The following TRPC6 variants were observed in gnomAD, a reference collection of about 807,000 sequenced individuals.
The protein encoded by TRPC6 is transient receptor potential cation channel subfamily C member 6.
TRPC6 carries 55 observed loss-of-function variants against 90.7 expected under a neutral mutation model. That is an observed-to-expected ratio of 0.61 (90% confidence interval 0.49 to 0.76). The LOEUF is 0.76. TRPC6 is among the 30% of genes least tolerant of loss of function. The pLI is 0.00. For missense variants in TRPC6, 989 were observed against 1,122.7 expected (o/e 0.88, Z 1.70); for synonymous variants, 393 against 393.0 (o/e 1.00, Z 0.00).
At chr11:101,567,212 G>C (rs534507780) in intron 1 of TRPC6, among the ~76,000 whole-genome samples, 3 of 152,264 alleles carry the variant, frequency 2.0e-5, no homozygotes, top group East Asian at 1.9e-4. Flanking sequence ...TGAGGCTTGA[G>C]GGGGCGGTTT....
Position 101,482,931 on chromosome 11 carries a change from C to G in TRPC6, c.1510+18G>C. The G allele has an allele frequency of 6.2e-7, 1 of 1,613,010 alleles. No individual in the cohort carries two copies. The highest frequency in any genetic ancestry group is 1.1e-5 in the South Asian group (1 of 91,054). On this transcript the variant is annotated intron_variant, in intron 5 of 12. Coordinates refer to ENST00000344327, the MANE Select transcript of TRPC6 (RefSeq NM_004621.6). ...CTAAGACTGCAAACAGAAAACATGA[C>G]AGAAAATCAGTCTTTACCTATTACC...
chr11:101,468,639 G>A (rs541337056), intron 10 of TRPC6, among the ~76,000 whole-genome samples: 1 of 152,282 alleles, frequency 6.6e-6, no homozygotes, highest in South Asian at 2.1e-4. Flanking sequence ...AAGTAAAGCT[G>A]TCCTCTTGAA....
intron 1 of TRPC6, among the ~76,000 whole-genome samples, chr11:101,542,348 A>G (rs1861193504): frequency 6.6e-6 from 1 of 152,232 alleles, no homozygotes; most frequent in Non-Finnish European, 1.5e-5. Flanking sequence ...ATTCAGACCC[A>G]CTGATAAAGA....
rs572736645 is a variant in TRPC6 at position 101,518,478 on chromosome 11, T to C, written c.171-13680A>G. Among the ~76,000 whole-genome samples, 37 of 152,270 alleles carry C rather than the reference T, an allele frequency of 2.4e-4. No individual in the cohort carries two copies. The South Asian group carries it at 7.2e-3, about 30-fold the overall frequency. On this transcript the variant is annotated intron_variant, in intron 1 of 12. Transcript: ENST00000344327. ...TCATTGATCATCAGAGAAATGCCAA[T>C]CAATACTACAATGAGATGTCATCTC... is the stretch of plus-strand genomic sequence containing the variant.
At chr11:101,556,826 A>G (rs1293599141) in intron 1 of TRPC6, among the ~76,000 whole-genome samples, 1 of 152,154 alleles carries the variant, frequency 6.6e-6, no homozygotes, top group Non-Finnish European at 1.5e-5. Flanking sequence ...CAAGCAAACA[A>G]AATTCAACAG....
intron 1 of TRPC6, among the ~76,000 whole-genome samples, chr11:101,521,236 T>C (rs911614179): frequency 5.3e-5 from 8 of 151,768 alleles, no homozygotes; most frequent in South Asian, 4.2e-4. Flanking sequence ...CCCAGCTTCC[T>C]TGTGCAACCT....
intron 1 of TRPC6, among the ~76,000 whole-genome samples, chr11:101,578,237 A>G (rs931831780): frequency 9.9e-5 from 15 of 152,202 alleles, no homozygotes; most frequent in African/African-American, 3.6e-4. Context: ...TAGTTGCCAA[A>G]AACAAGGGAG....
intron 4 of TRPC6, 28 bp downstream of exon 4, chr11:101,488,909 A>C (rs1591080406): frequency 1.2e-6 from 2 of 1,613,698 alleles, no homozygotes; most frequent in East Asian, 4.5e-5. Context: ...TCTAGTAGAT[A>C]ATAGAGGTCC....
chr11:101,489,158 G>A (rs761471735), intron 3 of TRPC6, 57 bp from the exon 4 acceptor site: 183 of 1,477,164 alleles, frequency 1.2e-4, no homozygotes, highest in Non-Finnish European at 1.7e-4. Context: ...CAGCATAAAC[G>A]ATTTTCATGT....
chr11:101,567,724 C>G (rs899965666), intron 1 of TRPC6, among the ~76,000 whole-genome samples: 1 of 152,184 alleles, frequency 6.6e-6, no homozygotes, highest in African/African-American at 2.4e-5. Flanking sequence ...CCCAGGCAAA[C>G]AGGGTCTGGA....
In TRPC6 at chr11:101,485,410, T is replaced by C. The variant is rs148791156; in HGVS notation, c.1294-2245A>G. Among the ~76,000 whole-genome samples, 814 of 152,236 alleles carry C rather than the reference T, an allele frequency of 5.3e-3. 3 individuals are homozygous for C. Among genetic ancestry groups the C allele is most frequent in the African/African-American group, 0.019 (776 of 41,550 alleles). Reference sequence around the variant, plus strand: ...TGCTATTTTTCTTTTTAAATATAAATAGTTAAAAATAAACATCAATGTTAT... The same window carrying C: ...TGCTATTTTTCTTTTTAAATATAAACAGTTAAAAATAAACATCAATGTTAT... On this transcript the variant is annotated intron_variant, in intron 4 of 12. Transcript: ENST00000344327.
At chr11:101,545,440 T>C (rs1191527579) in intron 1 of TRPC6, among the ~76,000 whole-genome samples, 1 of 152,186 alleles carries the variant, frequency 6.6e-6, no homozygotes, top group Non-Finnish European at 1.5e-5. Context: ...ACCAATCCCC[T>C]ATGGATAGTA....
chr11:101,501,832 A>G (rs1478900067), intron 2 of TRPC6, among the ~76,000 whole-genome samples: 2 of 152,156 alleles, frequency 1.3e-5, no homozygotes, highest in African/African-American at 4.8e-5. Context: ...AAGTTCTAGG[A>G]TATACTTTAT....
chr11:101,469,177 T>C (rs1445853892), intron 10 of TRPC6, among the ~76,000 whole-genome samples: 3 of 152,228 alleles, frequency 2.0e-5, no homozygotes, highest in Non-Finnish European at 4.4e-5. Context: ...ACCAGTCTTC[T>C]ATTCCATCAC....
rs760614902 is a variant in TRPC6 at position 101,476,543 on chromosome 11, G to A, written c.1511-9C>T. 6 of 1,603,160 alleles carry A rather than the reference G, an allele frequency of 3.7e-6. No homozygotes were observed. The Admixed American group carries it at 1.0e-4, about 27-fold the overall frequency. Reference sequence around the variant, plus strand: ...TTCAGCCCATATCATGCCTGCATCAGAAAGGGGTTAAAATATCAATTCAAT... The same window carrying A: ...TTCAGCCCATATCATGCCTGCATCAAAAAGGGGTTAAAATATCAATTCAAT... On this transcript the variant is annotated splice_polypyrimidine_tract_variant and intron_variant, in intron 5 of 12. Transcript: ENST00000344327.
Position 101,504,646 on chromosome 11 carries a change from T to C in TRPC6, c.323A>G (p.Tyr108Cys). 1 of 1,608,900 alleles carries C rather than the reference T, an allele frequency of 6.2e-7. No homozygotes were observed. ...CTTCCGCACCACTGGGATGTTACCA[T>C]ATTCAGCTGCATCCAAAAAGCGTTC... ...EEERFLDAAEYGNIPVVRKML... is the reference protein window; with the variant it reads ...EEERFLDAAECGNIPVVRKML... Residue 108 changes from tyrosine (Y) to cysteine (C), a missense_variant, in exon 2 of 13, where the codon TAT (tyrosine) becomes TGT (cysteine). Physicochemically the swap from Tyr to Cys is radical, Grantham distance 194 (BLOSUM62 -2). Around this residue, in one of 4 missense-constraint regions of TRPC6, gnomAD observed 486 missense variants for 591.9 expected, o/e 0.82. Coordinates refer to ENST00000344327, the MANE Select transcript of TRPC6 (RefSeq NM_004621.6).
chr11:101,519,526 C>T (rs1404213349), intron 1 of TRPC6, among the ~76,000 whole-genome samples: 1 of 151,954 alleles, frequency 6.6e-6, no homozygotes, highest in Non-Finnish European at 1.5e-5. Flanking sequence ...TGAAAACATG[C>T]TACAAAATGA....
At chr11:101,571,877 G>T (rs1375526615) in intron 1 of TRPC6, among the ~76,000 whole-genome samples, 2 of 152,146 alleles carry the variant, frequency 1.3e-5, no homozygotes, top group African/African-American at 4.8e-5. Context: ...ATTCAAGATT[G>T]ATTAAAGACT....
At chr11:101,516,962 T>C (rs1404891222) in intron 1 of TRPC6, among the ~76,000 whole-genome samples, 4 of 152,270 alleles carry the variant, frequency 2.6e-5, no homozygotes, top group African/African-American at 7.2e-5. Context: ...TTTTTTGCCA[T>C]GTTTCCCCTT....
Sources: allele counts gnomAD v4.1 joint callset (sites outside exome capture counted in the v4.1 genomes callset), GRCh38; gene constraint gnomAD v4.1.1; regional missense constraint gnomAD v4.1.1; transcripts MANE v1.5; gene names NCBI Gene and HGNC (gene_info 2026-07-23, HGNC 2026-07-21).